Variants in CATSPERB observed in about 807,000 individuals in gnomAD.
The protein encoded by CATSPERB is catsper channel auxiliary subunit beta, also known as cation channel sperm-associated auxiliary subunit beta.
Under a neutral mutation model 128.3 loss-of-function variants are expected in CATSPERB, and 93 were observed. That is an observed-to-expected ratio of 0.72 (90% confidence interval 0.61 to 0.86). The LOEUF is 0.86. Among genes scored for constraint, CATSPERB ranks in the 40% least tolerant of loss-of-function variants. CATSPERB has a pLI of 0.00. For synonymous variants in CATSPERB, 381 were observed against 448.8 expected (o/e 0.85, Z 1.91); for missense variants, 1,153 against 1,329.5 (o/e 0.87, Z 2.06).
intron 20 of CATSPERB, among the ~76,000 whole-genome samples, chr14:91,614,418 T>G (rs185566202): frequency 6.6e-6 from 1 of 152,308 alleles, no homozygotes; most frequent in Admixed American, 6.5e-5. Flanking sequence ...ATCTTAGCAC[T>G]TTGGGAGGCC....
At chr14:91,607,554 G>C (rs935943183) in intron 22 of CATSPERB, among the ~76,000 whole-genome samples, 1 of 152,170 alleles carries the variant, frequency 6.6e-6, no homozygotes, top group Non-Finnish European at 1.5e-5. Context: ...GGAAAATCAG[G>C]TCAGACGTAA....
At chr14:91,603,654 G>C (rs919717971) in intron 22 of CATSPERB, among the ~76,000 whole-genome samples, 3 of 152,204 alleles carry the variant, frequency 2.0e-5, no homozygotes, top group Admixed American at 1.3e-4. Flanking sequence ...AGCTTCTGGG[G>C]ATGCCTCAAG....
chr14:91,602,560 A>G (rs1893623308), intron 22 of CATSPERB, among the ~76,000 whole-genome samples: 1 of 152,174 alleles, frequency 6.6e-6, no homozygotes, highest in African/African-American at 2.4e-5. Flanking sequence ...TTTAGAAGGA[A>G]TGTCAGAGTG....
At chr14:91,593,594 C>T (rs1893449258) in intron 22 of CATSPERB, among the ~76,000 whole-genome samples, 1 of 152,210 alleles carries the variant, frequency 6.6e-6, no homozygotes, top group South Asian at 2.1e-4. Flanking sequence ...TACCCAATAC[C>T]TGTAACCCTA....
At chr14:91,699,824 C>T (rs948240530) in intron 7 of CATSPERB, among the ~76,000 whole-genome samples, 2 of 152,088 alleles carry the variant, frequency 1.3e-5, no homozygotes, top group African/African-American at 2.4e-5. Context: ...TTGCCCACCT[C>T]AGCCTCCCAA....
In CATSPERB at chr14:91,646,270, CATCGA is replaced by C. The variant is rs2139811401; in HGVS notation, c.1433-7025_1433-7021del. The C allele has an allele frequency of 1.3e-5, 2 of 153,448 alleles. 1 individual carries two copies. The highest frequency in any genetic ancestry group is 4.1e-4 in the South Asian group (2 of 4,856). The allele number at this position is 153,448 out of a possible 1,614,324, so 9.5% of individuals were successfully genotyped here. Reference sequence around the variant, plus strand: ...CTTAATTCCTCTCTCTCATACCCTGCATCGAATCCATCAGAAATCCTATTGACTCT... The same window carrying C: ...CTTAATTCCTCTCTCTCATACCCTGCATCCATCAGAAATCCTATTGACTCT... On this transcript the variant is annotated intron_variant, in intron 15 of 26. Transcript: ENST00000256343.
At chr14:91,653,713 C>A (rs977202039) in intron 15 of CATSPERB, among the ~76,000 whole-genome samples, 1 of 152,162 alleles carries the variant, frequency 6.6e-6, no homozygotes, top group African/African-American at 2.4e-5. Context: ...TGATTACCTC[C>A]CCCTGGGTCC....
intron 6 of CATSPERB, among the ~76,000 whole-genome samples, chr14:91,707,385 A>G (rs1273443145): frequency 6.6e-6 from 1 of 152,172 alleles, no homozygotes; most frequent in African/African-American, 2.4e-5. Context: ...AAAAAGTAGC[A>G]TAGGATATCA....
At chr14:91,588,324 G>A (rs1893340051) in intron 24 of CATSPERB, among the ~76,000 whole-genome samples, 1 of 151,952 alleles carries the variant, frequency 6.6e-6, no homozygotes, top group African/African-American at 2.4e-5. Context: ...AGGGGAGTTA[G>A]GCCCAATATC....
Position 91,624,929 on chromosome 14 carries a change from T to C in CATSPERB, c.1821A>G (p.Glu607=). Residue 607 remains glutamate, a synonymous_variant, in exon 18 of 27, where the codon GAA becomes GAG. Transcript: ENST00000256343. ...CTTCTAATCCAAAGGGCTCTTTCAT[T>C]TCTGCAATAACTGAGGACAAAAATC... ...PKGFLSSVIA[E]MKEPFGLEEV... is the part of the protein sequence containing the mutation. 6.2e-7 allele frequency: 1 copy of C among 1,613,306 alleles called. No individual in the cohort carries two copies. The highest frequency in any genetic ancestry group is 8.5e-7 in the Non-Finnish European group (1 of 1,179,704).
intron 13 of CATSPERB, among the ~76,000 whole-genome samples, chr14:91,670,896 G>A (rs1895077703): frequency 1.3e-5 from 2 of 151,862 alleles, no homozygotes; most frequent in African/African-American, 2.4e-5. Flanking sequence ...TCTGTTACTT[G>A]GGAGGCTGAG....
At chr14:91,585,007 CTTT>C (rs778423024) in intron 26 of CATSPERB, among the ~76,000 whole-genome samples, 1 of 151,284 alleles carries the variant, frequency 6.6e-6, no homozygotes, top group African/African-American at 2.4e-5. Flanking sequence ...TCTTCTTCTT[CTTT>C]TTATTTTTAT....
At chr14:91,621,570 C>T (rs1191746201) in intron 19 of CATSPERB, 38 bp downstream of exon 19, 4 of 1,412,266 alleles carry the variant, frequency 2.8e-6, no homozygotes, top group Non-Finnish European at 2.9e-6. Flanking sequence ...AAAGAAATAA[C>T]ATTTCCTTTT....
At chr14:91,676,104 TA>T (rs370543084) in intron 11 of CATSPERB, among the ~76,000 whole-genome samples, 5 of 151,952 alleles carry the variant, frequency 3.3e-5, no homozygotes, top group Admixed American at 6.6e-5. Context: ...GTTGATGTGT[TA>T]AAAAAAAGGC....
chr14:91,602,360 C>T (rs1440300509), intron 22 of CATSPERB, among the ~76,000 whole-genome samples: 1 of 152,072 alleles, frequency 6.6e-6, no homozygotes. Context: ...TAAAGTGCTC[C>T]ATGTGCTGTA....
At chr14:91,651,318 C>T (rs1894700590) in intron 15 of CATSPERB, among the ~76,000 whole-genome samples, 1 of 152,330 alleles carries the variant, frequency 6.6e-6, no homozygotes, top group East Asian at 1.9e-4. Context: ...TCCATTCCAG[C>T]TTTGACTGGG....
chr14:91,610,148 C>G (rs1003234236), intron 21 of CATSPERB, among the ~76,000 whole-genome samples: 1 of 151,918 alleles, frequency 6.6e-6, no homozygotes, highest in Non-Finnish European at 1.5e-5. Context: ...GCAGTTCAAA[C>G]CTATTGTTCA....
chr14:91,639,599 T>C (rs1894453112), intron 15 of CATSPERB, among the ~76,000 whole-genome samples: 2 of 152,126 alleles, frequency 1.3e-5, no homozygotes, highest in South Asian at 4.2e-4. Context: ...AAGAAAACAA[T>C]CCTTAGGAAG....
intron 23 of CATSPERB, among the ~76,000 whole-genome samples, chr14:91,590,103 C>G (rs1893371611): frequency 6.6e-6 from 1 of 152,156 alleles, no homozygotes; most frequent in South Asian, 2.1e-4. Context: ...GACAAATTGC[C>G]TGACTTCTCT....
Sources: allele counts gnomAD v4.1 joint callset (sites outside exome capture counted in the v4.1 genomes callset), GRCh38; gene constraint gnomAD v4.1.1; transcripts MANE v1.5; gene names NCBI Gene and HGNC (gene_info 2026-07-23, HGNC 2026-07-21).